The following FOXN2 variants were observed in gnomAD, a reference collection of about 807,000 sequenced individuals.
FOXN2 encodes forkhead box protein N2.
FOXN2 carries 19 observed loss-of-function variants against 41.2 expected under a neutral mutation model. The observed-to-expected ratio is 0.46, with a 90% confidence interval of 0.32 to 0.68. FOXN2 has a LOEUF of 0.68. Ranked by LOEUF, FOXN2 falls within the 30% of genes least tolerant of loss-of-function variation. The pLI is 0.03. For synonymous variants in FOXN2, 195 were observed against 176.8 expected (o/e 1.10, Z -0.82); for missense variants, 587 against 509.4 (o/e 1.15, Z -1.47).
At chr2:48,373,483 T>A in intron 6 of FOXN2, 123 bp downstream of exon 6, 1 of 592,450 alleles carries the variant, frequency 1.7e-6, no homozygotes, top group Non-Finnish European at 3.0e-6. Context: ...TTGATCTGAG[T>A]AACTCAGTTT....
chr2:48,320,580 G>A lies in FOXN2; in HGVS notation c.-157+5766G>A, dbSNP rs574801628. 1.1e-3 allele frequency among the ~76,000 whole-genome samples: 174 copies of A among 152,220 alleles called. 3 individuals are homozygous for A. Among genetic ancestry groups the A allele is most frequent in the Admixed American group, 9.2e-3 (140 of 15,296 alleles). Reference sequence around the variant, plus strand: ...GCTGGAATTACAGGTGTGAGCCACTGCACCTGGCCATAATTTAATTTTCAA... The same window carrying A: ...GCTGGAATTACAGGTGTGAGCCACTACACCTGGCCATAATTTAATTTTCAA... On this transcript the variant is annotated intron_variant, in intron 1 of 6. Transcript: ENST00000340553.
intron 1 of FOXN2, among the ~76,000 whole-genome samples, chr2:48,315,810 G>C (rs186681661): frequency 1.3e-5 from 2 of 152,232 alleles, no homozygotes; most frequent in Non-Finnish European, 2.9e-5. Flanking sequence ...CACTCTCGCA[G>C]TGTTCTTGCA....
intron 3 of FOXN2, among the ~76,000 whole-genome samples, chr2:48,352,526 A>G (rs887664141): frequency 3.9e-5 from 6 of 152,096 alleles, no homozygotes; most frequent in Admixed American, 6.5e-5. Flanking sequence ...ATTAATTCCC[A>G]TGGCTTAATA....
intron 2 of FOXN2, among the ~76,000 whole-genome samples, chr2:48,338,238 T>G (rs575612578): frequency 9.9e-4 from 151 of 152,298 alleles, no homozygotes; most frequent in African/African-American, 3.6e-3. Flanking sequence ...AGTTGGCCTG[T>G]TCTTTAGTAG....
Position 48,376,014 on chromosome 2 carries a change from T to C in FOXN2, c.*571T>C, listed in dbSNP as rs1301261787. The C allele has an allele frequency of 2.6e-5, 4 of 152,624 alleles. No individual in the cohort carries two copies. The highest frequency in any genetic ancestry group is 9.6e-5 in the African/African-American group (4 of 41,460). The allele number at this position is 152,624 out of a possible 1,614,324, so 9.5% of individuals were successfully genotyped here. Reference sequence around the variant, plus strand: ...ATCCTGATGTTTAGAAAGTTTCTTTTGGTTACGTAGGTAGAGAATACAACA... The same window carrying C: ...ATCCTGATGTTTAGAAAGTTTCTTTCGGTTACGTAGGTAGAGAATACAACA... On this transcript the variant is annotated 3_prime_UTR_variant, in exon 7 of 7. Coordinates refer to ENST00000340553, the MANE Select transcript of FOXN2 (RefSeq NM_002158.4).
chr2:48,352,081 G>A (rs371339877), intron 3 of FOXN2, among the ~76,000 whole-genome samples: 2 of 117,382 alleles, frequency 1.7e-5, no homozygotes, highest in Admixed American at 8.1e-5. Context: ...CTTCAGTTTT[G>A]AGAGCAAACC....
chr2:48,372,935 AAGG>A (rs1330476019), intron 5 of FOXN2, among the ~76,000 whole-genome samples: 3 of 151,962 alleles, frequency 2.0e-5, no homozygotes, highest in Non-Finnish European at 4.4e-5. Flanking sequence ...AAAAAAAAAA[AAGG>A]AGTAACGATG....
chr2:48,332,611 T>C (rs1670084670), intron 2 of FOXN2, among the ~76,000 whole-genome samples: 2 of 152,214 alleles, frequency 1.3e-5, no homozygotes, highest in African/African-American at 4.8e-5. Context: ...CTTCAAAATA[T>C]AAAGCATTGT....
chr2:48,348,754 A>G (rs75706413), intron 3 of FOXN2, among the ~76,000 whole-genome samples: 85 of 152,366 alleles, frequency 5.6e-4, no homozygotes, highest in African/African-American at 1.8e-3. Flanking sequence ...TGGACTGCCA[A>G]TACTTTGTGT....
At chr2:48,332,385 T>G (rs1670071125) in intron 2 of FOXN2, among the ~76,000 whole-genome samples, 2 of 152,224 alleles carry the variant, frequency 1.3e-5, no homozygotes, top group Non-Finnish European at 2.9e-5. Context: ...GAAGAAGGGT[T>G]CTATCATGTT....
At chr2:48,326,557 T>A (rs1669688215) in intron 1 of FOXN2, among the ~76,000 whole-genome samples, 1 of 152,194 alleles carries the variant, frequency 6.6e-6, no homozygotes, top group Admixed American at 6.5e-5. Context: ...CTGTGTGTGG[T>A]TGTGCAGAAC....
chr2:48,322,999 A>G (rs947084205), intron 1 of FOXN2, among the ~76,000 whole-genome samples: 2 of 151,752 alleles, frequency 1.3e-5, no homozygotes, highest in African/African-American at 4.8e-5. Flanking sequence ...GATGCATGTA[A>G]GTAAATAATT....
intron 1 of FOXN2, 74 bp from the exon 2 acceptor site, chr2:48,328,487 A>G (rs559740915): frequency 6.6e-6 from 1 of 152,344 alleles, no homozygotes; most frequent in Non-Finnish European, 1.5e-5. Flanking sequence ...AATAACGACA[A>G]GAAAAAAAGT....
intron 3 of FOXN2, among the ~76,000 whole-genome samples, chr2:48,347,896 C>T (rs1375202290): frequency 2.0e-5 from 3 of 152,076 alleles, no homozygotes. Context: ...TGTCTTCTGG[C>T]TCCCATAGTT....
intron 1 of FOXN2, among the ~76,000 whole-genome samples, chr2:48,315,766 C>T (rs1234729158): frequency 1.3e-5 from 2 of 152,182 alleles, no homozygotes; most frequent in African/African-American, 4.8e-5. Context: ...CTGCATCTCT[C>T]GGGAGTTGGG....
chr2:48,349,251 T>C (rs1671301542), intron 3 of FOXN2, among the ~76,000 whole-genome samples: 1 of 152,134 alleles, frequency 6.6e-6, no homozygotes, highest in African/African-American at 2.4e-5. Flanking sequence ...TTTGGGAGGC[T>C]GAGACAGGTG....
At chr2:48,367,617 ACT>A (rs1672615574) in intron 5 of FOXN2, among the ~76,000 whole-genome samples, 1 of 152,228 alleles carries the variant, frequency 6.6e-6, no homozygotes, top group Non-Finnish European at 1.5e-5. Context: ...TTTTGTAATT[ACT>A]ACAAAGCTTA....
intron 4 of FOXN2, among the ~76,000 whole-genome samples, chr2:48,360,325 A>G (rs1337770028): frequency 6.6e-6 from 1 of 152,202 alleles, no homozygotes. Flanking sequence ...AAAAATTTAA[A>G]AAGATTTTTA....
chr2:48,375,285 C>T lies in FOXN2; in HGVS notation c.1138C>T (p.Gln380Ter). ...QPCAKISEKGQSGKKMRKQTC... is the reference protein window; with the variant it reads ...QPCAKISEKG Reference sequence around the variant, plus strand: ...TTGTGCAAAAATCTCTGAAAAAGGGCAGTCAGGCAAAAAGATGCGAAAACA... The same window carrying T: ...TTGTGCAAAAATCTCTGAAAAAGGGTAGTCAGGCAAAAAGATGCGAAAACA... The change falls in exon 7 of 7, where the codon CAG becomes TAG. Residue 380 changes from glutamine (Q) to a stop codon, truncating the protein, a stop_gained. Coordinates refer to ENST00000340553, the MANE Select transcript of FOXN2 (RefSeq NM_002158.4). LOFTEE classifies it high-confidence loss of function. 6.2e-7 allele frequency: 1 copy of T among 1,613,952 alleles called. No individual in the cohort carries two copies. Among genetic ancestry groups the T allele is most frequent in the Non-Finnish European group, 8.5e-7 (1 of 1,179,972 alleles).
Sources: allele counts gnomAD v4.1 joint callset (sites outside exome capture counted in the v4.1 genomes callset), GRCh38; gene constraint gnomAD v4.1.1; transcripts MANE v1.5; gene names NCBI Gene and HGNC (gene_info 2026-07-23, HGNC 2026-07-21).